FMN1: variants seen among roughly 807,000 people sequenced by gnomAD.
FMN1 encodes the protein formin-1.
A neutral mutation model predicts 132.4 loss-of-function variants in FMN1; 110 were observed. The observed-to-expected ratio is 0.83, with a 90% CI of 0.71 to 0.97. The LOEUF (loss-of-function observed/expected upper bound fraction) is 0.97. Among genes scored for constraint, FMN1 ranks in the 50% least tolerant of loss-of-function variants. FMN1 has a pLI of 0.00. For synonymous variants in FMN1, 722 were observed against 651.7 expected (o/e 1.11, Z -1.64); for missense variants, 1,792 against 1,705.3 (o/e 1.05, Z -0.90).
chr15:33,010,593 T>C (rs1451160748), intron 6 of FMN1, among the ~76,000 whole-genome samples: 1 of 152,108 alleles, frequency 6.6e-6, no homozygotes, highest in African/African-American at 2.4e-5. Flanking sequence ...GCAGATGTAA[T>C]GGATGAGAAA....
intron 8 of FMN1, among the ~76,000 whole-genome samples, chr15:32,965,520 C>T (rs938917059): frequency 2.6e-5 from 4 of 152,008 alleles, no homozygotes; most frequent in African/African-American, 9.7e-5. Flanking sequence ...GCTTTATTTC[C>T]ATACCTATTT....
chr15:33,040,295 T>A (rs1038696043), intron 6 of FMN1, among the ~76,000 whole-genome samples: 10 of 152,226 alleles, frequency 6.6e-5, no homozygotes, highest in African/African-American at 2.4e-4. Flanking sequence ...TTCCACTATA[T>A]GCTAATCACT....
intron 12 of FMN1, among the ~76,000 whole-genome samples, chr15:32,904,278 A>G (rs1202377810): frequency 2.0e-5 from 3 of 152,178 alleles, no homozygotes; most frequent in African/African-American, 7.2e-5. Flanking sequence ...AACATGTGAG[A>G]AACTGCCGGG....
chr15:33,111,703 G>C (rs562678589), intron 4 of FMN1, among the ~76,000 whole-genome samples: 1 of 152,184 alleles, frequency 6.6e-6, no homozygotes, highest in Non-Finnish European at 1.5e-5. Context: ...CCACAATATT[G>C]CATGATACCA....
chr15:33,127,204 A>C (rs1345842536), intron 4 of FMN1, among the ~76,000 whole-genome samples: 1 of 152,156 alleles, frequency 6.6e-6, no homozygotes, highest in Non-Finnish European at 1.5e-5. Flanking sequence ...TCTCCTCAAA[A>C]ATATAATCTC....
rs188948614 is a variant in FMN1 at position 32,811,593 on chromosome 15, A to T, written c.3929-7261T>A. ...CAAATGGTCATCTAGTCTACCTCCC[A>T]GGCTGATGTGCTATCCTGGATCCTC... On this transcript the variant is annotated intron_variant, in intron 17 of 20. Coordinates refer to ENST00000616417, the MANE Select transcript of FMN1 (RefSeq NM_001277313.2). Among the ~76,000 whole-genome samples the T allele has an allele frequency of 1.8e-3, 268 of 151,544 alleles. 4 individuals are homozygous for T. Among genetic ancestry groups the T allele is most frequent in the Non-Finnish European group, 1.1e-3 (77 of 67,902 alleles).
intron 7 of FMN1, among the ~76,000 whole-genome samples, chr15:32,985,775 A>G (rs2033027986): frequency 6.6e-6 from 1 of 152,066 alleles, no homozygotes; most frequent in Admixed American, 6.6e-5. Flanking sequence ...CTCCCAACTG[A>G]CTTATCTTAC....
chr15:33,033,313 A>G (rs2036033642), intron 6 of FMN1, among the ~76,000 whole-genome samples: 1 of 152,294 alleles, frequency 6.6e-6, no homozygotes, highest in South Asian at 2.1e-4. Context: ...TACAGGCGTG[A>G]GCCACCACGC....
intron 17 of FMN1, among the ~76,000 whole-genome samples, chr15:32,854,862 C>T (rs1245894158): frequency 2.0e-5 from 3 of 150,776 alleles, no homozygotes; most frequent in Non-Finnish European, 2.9e-5. Context: ...TGCAGTGAGC[C>T]GAGATCGCAC....
At chr15:33,186,595 C>T (rs896402896) in intron 2 of FMN1, among the ~76,000 whole-genome samples, 1 of 152,198 alleles carries the variant, frequency 6.6e-6, no homozygotes, top group Non-Finnish European at 1.5e-5. Context: ...TAGCCAGATT[C>T]TATCTTACTA....
At chr15:33,011,817 T>G (rs559038174) in intron 6 of FMN1, among the ~76,000 whole-genome samples, 3 of 152,118 alleles carry the variant, frequency 2.0e-5, no homozygotes, top group African/African-American at 7.2e-5. Flanking sequence ...AAAGATGATA[T>G]ACAAATAATA....
chr15:33,140,231 C>T (rs1595557275), intron 4 of FMN1, among the ~76,000 whole-genome samples: 1 of 143,706 alleles, frequency 7.0e-6, no homozygotes, highest in Admixed American at 7.0e-5. Flanking sequence ...CACACACACA[C>T]ACACAGCTTA....
intron 6 of FMN1, among the ~76,000 whole-genome samples, chr15:33,057,939 G>C (rs76440367): frequency 6.6e-6 from 1 of 152,020 alleles, no homozygotes; most frequent in African/African-American, 2.4e-5. Context: ...ATAAGCACAT[G>C]AAAGCAGACT....
chr15:33,153,133 T>C lies in FMN1; in HGVS notation c.1782A>G (p.Gln594=). The change falls in exon 4 of 21, where the codon CAA becomes CAG. Residue 594 remains glutamine (Q), a synonymous_variant. Coordinates refer to ENST00000616417, the MANE Select transcript of FMN1 (RefSeq NM_001277313.2). ...GASPAFLRAG[Q]PRLVPGETLE... ...AAGTTTCCCCAGGCACCAACCGAGG[T>C]TGGCCTGCTCTGAGGAAGGCCGGGC... 1 of 1,536,070 alleles carries C rather than the reference T, an allele frequency of 6.5e-7. No homozygotes were observed. Among genetic ancestry groups the C allele is most frequent in the Non-Finnish European group, 8.7e-7 (1 of 1,146,902 alleles).
chr15:33,082,829 T>C (rs758334430), intron 5 of FMN1, among the ~76,000 whole-genome samples: 6 of 151,928 alleles, frequency 3.9e-5, no homozygotes, highest in Non-Finnish European at 5.9e-5. Context: ...CTAGGAGTGA[T>C]AGAGTTAGTT....
chr15:33,191,537 G>T (rs1013399144), intron 2 of FMN1, among the ~76,000 whole-genome samples: 6 of 152,194 alleles, frequency 3.9e-5, no homozygotes, highest in African/African-American at 7.2e-5. Context: ...GGCAGTATTT[G>T]CTGAAAGCGT....
intron 4 of FMN1, chr15:33,151,098 C>T: frequency 7.5e-7 from 1 of 1,339,292 alleles, no homozygotes; most frequent in Non-Finnish European, 9.6e-7. Context: ...AAGGGAAAAT[C>T]AAGAGAGAAA....
chr15:33,082,141 G>C (rs2038504373), intron 5 of FMN1, among the ~76,000 whole-genome samples: 1 of 148,432 alleles, frequency 6.7e-6, no homozygotes, highest in African/African-American at 2.5e-5. Flanking sequence ...GTAAGACAGA[G>C]TCTCGCTCTG....
intron 4 of FMN1, chr15:33,149,790 TA>T (rs771832198): frequency 5.1e-4 from 499 of 984,830 alleles, no homozygotes; most frequent in Non-Finnish European, 5.7e-4. Flanking sequence ...GACGCTTCTT[TA>T]CAATTTTATT....
Sources: gnomAD v4.1 joint callset for allele counts (sites outside exome capture counted in the v4.1 genomes callset) on GRCh38, gnomAD v4.1.1 for gene constraint, MANE v1.5 for transcripts, NCBI Gene and HGNC (gene_info 2026-07-23, HGNC 2026-07-21) for gene names.